CDH7: variants seen among roughly 807,000 people sequenced by gnomAD.
The protein encoded by CDH7 is cadherin 7, also known as cadherin-7.
Under a neutral mutation model 71.8 loss-of-function variants are expected in CDH7, and 25 were observed. That is an observed-to-expected ratio of 0.35 (90% CI 0.25 to 0.49). CDH7 has a LOEUF of 0.49. CDH7 is among the 20% of genes least tolerant of loss of function. The probability of loss-of-function intolerance (pLI) is 0.99; values close to 1 mark genes in which losing one functional copy is unlikely to be tolerated. For synonymous variants in CDH7, 381 were observed against 363.8 expected (o/e 1.05, Z -0.54); for missense variants, 862 against 974.6 (o/e 0.88, Z 1.54).
intron 2 of CDH7, among the ~76,000 whole-genome samples, chr18:65,799,501 C>T (rs920044847): frequency 1.3e-5 from 2 of 152,018 alleles, no homozygotes; most frequent in African/African-American, 4.8e-5. Context: ...AGAGGTGAAA[C>T]CCCGTCTCTA....
At chr18:65,803,163 A>ACAG (rs1450346966) in intron 2 of CDH7, 1 of 152,158 alleles carries the variant, frequency 6.6e-6, no homozygotes. Flanking sequence ...CACCATCAAG[A>ACAG]CAGCACAACA....
intron 1 of CDH7, among the ~76,000 whole-genome samples, chr18:65,761,491 C>T (rs1916190326): frequency 6.8e-6 from 1 of 146,304 alleles, no homozygotes; most frequent in Admixed American, 6.9e-5. Flanking sequence ...TAGGAGACAT[C>T]TTTTGGCTTT....
At chr18:65,813,924 A>T (rs1223538506) in intron 3 of CDH7, among the ~76,000 whole-genome samples, 1 of 152,134 alleles carries the variant, frequency 6.6e-6, no homozygotes, top group Non-Finnish European at 1.5e-5. Context: ...TTTTTAGATC[A>T]ATTGGCAGAG....
chr18:65,776,648 A>T (rs957858336), intron 2 of CDH7, among the ~76,000 whole-genome samples: 5 of 152,030 alleles, frequency 3.3e-5, no homozygotes, highest in African/African-American at 1.2e-4. Context: ...CTTTTTCTTG[A>T]CCATGCCTTA....
intron 2 of CDH7, among the ~76,000 whole-genome samples, chr18:65,799,990 A>G (rs17075222): frequency 1.3e-5 from 2 of 152,316 alleles, no homozygotes; most frequent in Admixed American, 6.5e-5. Context: ...ATTTTTAGTT[A>G]CAGAAAGGAC....
intron 4 of CDH7, among the ~76,000 whole-genome samples, chr18:65,816,880 C>T (rs1911742656): frequency 6.6e-6 from 1 of 152,168 alleles, no homozygotes; most frequent in African/African-American, 2.4e-5. Context: ...AGATTATGGA[C>T]ATTACATTTA....
chr18:65,806,992 T>C (rs1332221417), intron 2 of CDH7, among the ~76,000 whole-genome samples: 1 of 152,138 alleles, frequency 6.6e-6, no homozygotes, highest in Admixed American at 6.5e-5. Flanking sequence ...AATTTTCTGC[T>C]TGTGAATTTT....
At chr18:65,781,308 T>A (rs1031134798) in intron 2 of CDH7, among the ~76,000 whole-genome samples, 6 of 152,182 alleles carry the variant, frequency 3.9e-5, no homozygotes, top group African/African-American at 1.2e-4. Context: ...TTTAATTTTA[T>A]GTCAACCACA....
At chr18:65,781,771 C>CTTTCTTTCTTTCTATCT (rs1568181257) in intron 2 of CDH7, among the ~76,000 whole-genome samples, 5 of 39,082 alleles carry the variant, frequency 1.3e-4, no homozygotes, top group African/African-American at 1.9e-4. Flanking sequence ...TCTTTCTTTC[C>CTTTCTTTCTTTCTATCT]TTCCTTCCTT....
At position 65,830,667 on chromosome 18, in the gene CDH7, C is replaced by CCTTTCCT. The variant is rs368575911; in HGVS notation, c.981+5836_981+5837insCTTTCCT. Among the ~76,000 whole-genome samples, 23 of 135,096 alleles carry CCTTTCCT rather than the reference C, an allele frequency of 1.7e-4. No homozygotes were observed. The South Asian group carries it at 5.2e-3, about 31-fold the overall frequency. 88.6% of individuals were successfully genotyped at this position (135,096 alleles called of 152,430 possible). On this transcript the variant is annotated intron_variant, in intron 6 of 11. Coordinates refer to ENST00000397968, the MANE Select transcript of CDH7 (RefSeq NM_004361.5). ...TTCTTTCCTGTCTTTCTCTCTCTCT[C>CCTTTCCT]TTCCTTTCCTTTCCTTTCTTTTCCT...
intron 1 of CDH7, among the ~76,000 whole-genome samples, chr18:65,752,027 G>A (rs1476930624): frequency 6.6e-6 from 1 of 152,222 alleles, no homozygotes; most frequent in South Asian, 2.1e-4. Flanking sequence ...CAAGGATTGG[G>A]TGTATCAAGG....
chr18:65,882,654 T>G lies in CDH7; in HGVS notation c.*1760T>G, dbSNP rs547399211. The G allele has an allele frequency of 2.6e-5, 4 of 152,250 alleles. No individual in the cohort carries two copies. Among genetic ancestry groups the G allele is most frequent in the Non-Finnish European group, 4.4e-5 (3 of 67,978 alleles). 9.4% of individuals were successfully genotyped at this position (152,250 alleles called of 1,614,324 possible). On this transcript the variant is annotated 3_prime_UTR_variant, in exon 12 of 12. Transcript: ENST00000397968. Reference sequence around the variant, plus strand: ...CCTGCAAACAGTTCTTTAATTTGAATAGAGTTTTGTAGACATTGTTTTATG... The same window carrying G: ...CCTGCAAACAGTTCTTTAATTTGAAGAGAGTTTTGTAGACATTGTTTTATG...
chr18:65,751,817 A>G (rs1351262654), intron 1 of CDH7, among the ~76,000 whole-genome samples: 2 of 152,210 alleles, frequency 1.3e-5, no homozygotes, highest in African/African-American at 4.8e-5. Flanking sequence ...GGACTTCTTC[A>G]TGGGTGCACA....
At chr18:65,767,915 C>T (rs193025813) in intron 2 of CDH7, among the ~76,000 whole-genome samples, 7 of 152,220 alleles carry the variant, frequency 4.6e-5, no homozygotes, top group Admixed American at 2.0e-4. Flanking sequence ...ACCATTTATT[C>T]GGCTTAATAT....
rs148906200 is a variant in CDH7, at chr18:65,833,557, T to C, written c.981+8726T>C. On this transcript the variant is annotated intron_variant, in intron 6 of 11. Coordinates refer to ENST00000397968, the MANE Select transcript of CDH7 (RefSeq NM_004361.5). The stretch of plus-strand genomic sequence containing the variant: ...TTTAGTTTTAAGGGCCGAGATAATT[T>C]GGTGAGCTTCTGAACTTCAGATTAT... 4.0e-3 allele frequency among the ~76,000 whole-genome samples: 610 copies of C among 152,268 alleles called. 9 individuals are homozygous for C. Among genetic ancestry groups the C allele is most frequent in the East Asian group, 0.026 (133 of 5,162 alleles).
chr18:65,787,929 A>G (rs2031887772), intron 2 of CDH7, among the ~76,000 whole-genome samples: 1 of 152,202 alleles, frequency 6.6e-6, no homozygotes, highest in Admixed American at 6.5e-5. Context: ...AGTTAGTGTG[A>G]AGAGTGGAGA....
At position 65,830,655 on chromosome 18, in the gene CDH7, T is replaced by C. The variant is rs1012614718; in HGVS notation, c.981+5824T>C. ...CCCTTCCCTTCCTTCTTTCCTGTCTTTCTCTCTCTCTCTTCCTTTCCTTTC... is the reference window on the plus strand; with the variant it reads ...CCCTTCCCTTCCTTCTTTCCTGTCTCTCTCTCTCTCTCTTCCTTTCCTTTC... On this transcript the variant is annotated intron_variant, in intron 6 of 11. Transcript: ENST00000397968. 2.3e-4 allele frequency among the ~76,000 whole-genome samples: 21 copies of C among 91,696 alleles called. No homozygotes were observed. The South Asian group carries it at 0.011, about 47-fold the overall frequency. 60.2% of individuals were successfully genotyped at this position (91,696 alleles called of 152,430 possible). A position where few individuals can be genotyped will look rare whatever the true frequency, so the allele number is the denominator to read the frequency against.
intron 7 of CDH7, among the ~76,000 whole-genome samples, chr18:65,851,507 T>C (rs1194309156): frequency 6.6e-6 from 1 of 152,182 alleles, no homozygotes; most frequent in African/African-American, 2.4e-5. Context: ...CCTGTGAATA[T>C]AAAGAAGAAC....
At chr18:65,822,029 G>C in intron 4 of CDH7, 52 bp from the exon 5 acceptor site, 1 of 1,375,274 alleles carries the variant, frequency 7.3e-7, no homozygotes. Context: ...TTCTTTGTTA[G>C]TATAAATGCA....
Sources: gnomAD v4.1 joint callset for allele counts (sites outside exome capture counted in the v4.1 genomes callset) on GRCh38, gnomAD v4.1.1 for gene constraint, MANE v1.5 for transcripts, NCBI Gene and HGNC (gene_info 2026-07-23, HGNC 2026-07-21) for gene names.